The following FBXO11 variants were observed in gnomAD, a reference collection of about 807,000 sequenced individuals.
The protein encoded by FBXO11 is F-box only protein 11.
FBXO11 carries 13 observed loss-of-function variants against 117.0 expected under a neutral mutation model. The observed-to-expected ratio is 0.11, with a 90% confidence interval of 0.07 to 0.18. The LOEUF (loss-of-function observed/expected upper bound fraction) is 0.18, where lower values mean the gene tolerates loss of function less well. Among genes scored for constraint, FBXO11 ranks in the 10% least tolerant of loss-of-function variants. The pLI, the probability that FBXO11 is intolerant of heterozygous loss-of-function variation, is 1.00. For synonymous variants in FBXO11, 490 were observed against 380.5 expected, an observed-to-expected ratio of 1.29 and a Z score of -3.35; for missense variants, 767 against 1,164.4, an observed-to-expected ratio of 0.66 and a Z score of 4.97.
intron 17 of FBXO11, 89 bp downstream of exon 17, chr2:47,813,700 TGG>T: frequency 9.4e-7 from 1 of 1,063,860 alleles, no homozygotes; most frequent in Non-Finnish European, 1.4e-6. Flanking sequence ...CCCAAAGTGC[TGG>T]GATTACAGGC....
chr2:47,866,620 C>T (rs1019002230), intron 1 of FBXO11, among the ~76,000 whole-genome samples: 13 of 151,966 alleles, frequency 8.6e-5, no homozygotes, highest in Admixed American at 2.0e-4. Flanking sequence ...ATTACAGGCG[C>T]GCACCACCAT....
chr2:47,829,905 T>C (rs537667493), intron 11 of FBXO11, among the ~76,000 whole-genome samples: 2 of 152,250 alleles, frequency 1.3e-5, no homozygotes, highest in African/African-American at 4.8e-5. Context: ...ATTACACTAT[T>C]CTCTCTACTT....
chr2:47,884,173 T>C (rs1212979486), intron 1 of FBXO11, among the ~76,000 whole-genome samples: 1 of 152,178 alleles, frequency 6.6e-6, no homozygotes, highest in Non-Finnish European at 1.5e-5. Context: ...GAGCCGAGAT[T>C]GTGCCATTGC....
Position 47,828,216 on chromosome 2 carries a change from T to C in FBXO11, c.1398+4133A>G, listed in dbSNP as rs539670670. ...GGTTGATCTTGAACTCCTGGGTTCA[T>C]GCAGTCCTCCTGCCTCAACCTCCCG... On this transcript the variant is annotated intron_variant, in intron 11 of 22. Coordinates refer to ENST00000403359, the MANE Select transcript of FBXO11 (RefSeq NM_001190274.2). Among the ~76,000 whole-genome samples the C allele has an allele frequency of 6.6e-5, 10 of 152,022 alleles. No homozygotes were observed. The East Asian group carries it at 1.7e-3, about 27-fold the overall frequency.
chr2:47,899,840 A>C (rs1331529451), intron 1 of FBXO11, among the ~76,000 whole-genome samples: 1 of 152,220 alleles, frequency 6.6e-6, no homozygotes, highest in Non-Finnish European at 1.5e-5. Flanking sequence ...ACAGAAACAA[A>C]ATAAGAGTAA....
chr2:47,848,160 A>G (rs568167204), intron 1 of FBXO11, among the ~76,000 whole-genome samples: 4 of 151,716 alleles, frequency 2.6e-5, no homozygotes, highest in Non-Finnish European at 1.5e-5. Flanking sequence ...ACAACCAAAC[A>G]CACACACACA....
intron 1 of FBXO11, among the ~76,000 whole-genome samples, chr2:47,863,344 G>T (rs943168496): frequency 1.3e-5 from 2 of 152,098 alleles, no homozygotes; most frequent in Non-Finnish European, 2.9e-5. Context: ...GGCCAACAGA[G>T]AAACAGAATT....
At position 47,807,281 on chromosome 2, in the gene FBXO11, G is replaced by GTACT. The variant is rs1558397298; in HGVS notation, c.*833_*836dup. On this transcript the variant is annotated 3_prime_UTR_variant, in exon 23 of 23. Transcript: ENST00000403359. Reference sequence around the variant, plus strand: ...TTGTTTTGAAGAGACTTTCTAAAGTGTACTTAAAACATAGTAGTTTTTTAC... The same window carrying GTACT: ...TTGTTTTGAAGAGACTTTCTAAAGTGTACTTACTTAAAACATAGTAGTTTTTTAC... 1 of 221,476 alleles carries GTACT rather than the reference G, an allele frequency of 4.5e-6. No individual in the cohort carries two copies. Among genetic ancestry groups the GTACT allele is most frequent in the Non-Finnish European group, 9.0e-6 (1 of 110,514 alleles). 13.7% of individuals were successfully genotyped at this position (221,476 alleles called of 1,614,324 possible). A position where few individuals can be genotyped will look rare whatever the true frequency, so the allele number is the denominator to read the frequency against.
rs1242834334 is a variant in FBXO11 at position 47,813,882 on chromosome 2, G to A, written c.2007-15C>T. The A allele has an allele frequency of 1.9e-6, 3 of 1,586,080 alleles. No homozygotes were observed. Among genetic ancestry groups the A allele is most frequent in the African/African-American group, 1.3e-5 (1 of 74,250 alleles). On this transcript the variant is annotated splice_polypyrimidine_tract_variant and intron_variant, in intron 16 of 22. Coordinates refer to ENST00000403359, the MANE Select transcript of FBXO11 (RefSeq NM_001190274.2). Reference sequence around the variant, plus strand: ...TGCTTCCAGTCCTGTAAACAGAATAGACAATAATACCATTTCAATAGCTTC... The same window carrying A: ...TGCTTCCAGTCCTGTAAACAGAATAAACAATAATACCATTTCAATAGCTTC...
At chr2:47,884,544 T>G (rs1676671152) in intron 1 of FBXO11, among the ~76,000 whole-genome samples, 1 of 152,228 alleles carries the variant, frequency 6.6e-6, no homozygotes, top group South Asian at 2.1e-4. Flanking sequence ...CTTTATGATT[T>G]CTAGAGAAGA....
intron 11 of FBXO11, among the ~76,000 whole-genome samples, chr2:47,828,518 G>C (rs930378913): frequency 1.3e-5 from 2 of 151,514 alleles, no homozygotes; most frequent in Non-Finnish European, 2.9e-5. Context: ...TGAGACACAA[G>C]AATTGCTTGA....
At chr2:47,814,021 A>C in intron 16 of FBXO11, 154 bp from the exon 17 acceptor site, 2 of 581,680 alleles carry the variant, frequency 3.4e-6, no homozygotes, top group Non-Finnish European at 6.2e-6. Flanking sequence ...AAAGTGGTTT[A>C]ATTTTGCTTA....
At chr2:47,848,474 G>A (rs1386435193) in intron 1 of FBXO11, among the ~76,000 whole-genome samples, 1 of 152,138 alleles carries the variant, frequency 6.6e-6, no homozygotes, top group Admixed American at 6.5e-5. Context: ...CTGAGTCCGT[G>A]GAAAAACTGT....
At chr2:47,827,579 T>C (rs182750085) in intron 11 of FBXO11, among the ~76,000 whole-genome samples, 92 of 152,342 alleles carry the variant, frequency 6.0e-4, no homozygotes, top group African/African-American at 2.1e-3. Flanking sequence ...AGTGCTGGGA[T>C]TATAGGCATG....
intron 1 of FBXO11, among the ~76,000 whole-genome samples, chr2:47,904,879 G>A (rs190787429): frequency 6.6e-6 from 1 of 152,116 alleles, no homozygotes; most frequent in African/African-American, 2.4e-5. Context: ...AGCAAACACT[G>A]TGGGGTTGGG....
At chr2:47,903,177 T>C (rs892297012) in intron 1 of FBXO11, among the ~76,000 whole-genome samples, 4 of 152,200 alleles carry the variant, frequency 2.6e-5, no homozygotes, top group Admixed American at 2.0e-4. Context: ...TATTTTTCCA[T>C]ATGGCTGGCA....
intron 1 of FBXO11, among the ~76,000 whole-genome samples, chr2:47,841,795 C>T (rs1204216892): frequency 6.6e-6 from 1 of 151,058 alleles, no homozygotes; most frequent in Admixed American, 6.6e-5. Flanking sequence ...CACACACCAC[C>T]ATGCCTGGCT....
At position 47,839,497 on chromosome 2, in the gene FBXO11, C is replaced by T. The variant is rs1672853247; in HGVS notation, c.364G>A (p.Ala122Thr). 5 of 1,613,326 alleles carry T rather than the reference C, an allele frequency of 3.1e-6. No individual in the cohort carries two copies. In the South Asian group the frequency reaches 3.3e-5, roughly 11 times the overall value. Reference sequence around the variant, plus strand: ...AAGTTTTCTGTAGTTGAAGTTGAGGCGCCCTTCAAAAACAAAACAGAAACT... The same window carrying T: ...AAGTTTTCTGTAGTTGAAGTTGAGGTGCCCTTCAAAAACAAAACAGAAACT... ...ACPTKNSMEGASTSTTENFGH... is the reference protein window; with the variant it reads ...ACPTKNSMEGTSTSTTENFGH... The change falls in exon 3 of 23, where the codon GCC becomes ACC. Residue 122 changes from alanine (A) to threonine (T), a missense_variant. Around this residue, in one of 10 missense-constraint regions of FBXO11, gnomAD observed 355 missense variants for 299.8 expected, o/e 1.18. Coordinates refer to ENST00000403359, the MANE Select transcript of FBXO11 (RefSeq NM_001190274.2).
At chr2:47,870,926 G>A (rs779737356) in intron 1 of FBXO11, among the ~76,000 whole-genome samples, 2 of 152,154 alleles carry the variant, frequency 1.3e-5, no homozygotes, top group East Asian at 1.9e-4. Flanking sequence ...GAAATTACTG[G>A]ATCATAGGAC....
Sources: allele counts gnomAD v4.1 joint callset (sites outside exome capture counted in the v4.1 genomes callset), GRCh38; gene constraint gnomAD v4.1.1; regional missense constraint gnomAD v4.1.1; transcripts MANE v1.5; gene names NCBI Gene and HGNC (gene_info 2026-07-23, HGNC 2026-07-21).